The following USP37 variants were observed in gnomAD, a reference collection of about 807,000 sequenced individuals.
USP37 encodes the protein ubiquitin specific peptidase 37, also known as ubiquitin carboxyl-terminal hydrolase 37.
Under a neutral mutation model 124.0 loss-of-function variants are expected in USP37, and 27 were observed. That is an observed-to-expected ratio of 0.22 (90% CI 0.16 to 0.30). The LOEUF is 0.30. USP37 is among the 10% of genes least tolerant of loss of function. The pLI, the probability that USP37 is intolerant of heterozygous loss-of-function variation, is 1.00. For missense variants in USP37, 889 were observed against 1,140.4 expected, an observed-to-expected ratio of 0.78 and a Z score of 3.17; for synonymous variants, 365 against 388.0, an observed-to-expected ratio of 0.94 and a Z score of 0.70.
intron 15 of USP37, 146 bp from the exon 16 acceptor site, chr2:218,485,889 C>T: frequency 2.5e-6 from 2 of 790,378 alleles, no homozygotes; most frequent in Admixed American, 2.9e-5. Flanking sequence ...AGCCATGAGC[C>T]TTACCAAATT....
At chr2:218,521,707 T>C (rs1485990041) in intron 10 of USP37, among the ~76,000 whole-genome samples, 2 of 152,186 alleles carry the variant, frequency 1.3e-5, no homozygotes, top group East Asian at 3.8e-4. Flanking sequence ...GTTCATTTTT[T>C]CCCCACCTGA....
chr2:218,476,363 C>T (rs1285478791), intron 19 of USP37, among the ~76,000 whole-genome samples: 1 of 152,108 alleles, frequency 6.6e-6, no homozygotes, highest in African/African-American at 2.4e-5. Context: ...CACCTGAGCC[C>T]AGGAATTTTA....
chr2:218,492,449 T>C (rs763512783), intron 14 of USP37, among the ~76,000 whole-genome samples: 2 of 152,162 alleles, frequency 1.3e-5, no homozygotes, highest in Non-Finnish European at 1.5e-5. Flanking sequence ...GTTATACAAG[T>C]CACAGGCTTT....
rs1390326914 is a variant in USP37 at position 218,530,160 on chromosome 2, ACAGGAATAC to A, written c.779-129_779-121del. On this transcript the variant is annotated intron_variant, in intron 9 of 25. Coordinates refer to ENST00000258399, the MANE Select transcript of USP37 (RefSeq NM_020935.3). Reference sequence around the variant, plus strand: ...TAACTCTTTTTCCTTCTCATCAAATACAGGAATACCTCATTTTATTGCTCTTTGCTTTAT... The same window carrying A: ...TAACTCTTTTTCCTTCTCATCAAATACTCATTTTATTGCTCTTTGCTTTAT... The A allele has an allele frequency of 1.3e-5, 9 of 668,234 alleles. No homozygotes were observed. In the African/African-American group the frequency reaches 1.5e-4, roughly 11 times the overall value. 41.4% of individuals were successfully genotyped at this position (668,234 alleles called of 1,614,324 possible).
rs1298953717 is a variant in USP37, at chr2:218,482,057, CT to C, written c.1835+12del. On this transcript the variant is annotated intron_variant, in intron 17 of 25. Coordinates refer to ENST00000258399, the MANE Select transcript of USP37 (RefSeq NM_020935.3). ...AAAAGGGAATATAAAGACATAGTCT[CT>C]CAAGGACTTACATTGCCATATGTGC... is the stretch of plus-strand genomic sequence containing the variant. 6.3e-7 allele frequency: 1 copy of C among 1,598,734 alleles called. No homozygotes were observed.
intron 18 of USP37, among the ~76,000 whole-genome samples, chr2:218,479,313 G>A (rs1691128014): frequency 6.6e-6 from 1 of 152,126 alleles, no homozygotes; most frequent in South Asian, 2.1e-4. Context: ...TAGACTAATA[G>A]GGGTTATTTT....
In USP37 at chr2:218,534,789, T is replaced by G. The variant is rs1188413951; in HGVS notation, c.681-83A>C. Reference sequence around the variant, plus strand: ...TTTTAAATAGTTGTCATTAAAACATTTACATTTAAAGTGCCAAATTCATTG... The same window carrying G: ...TTTTAAATAGTTGTCATTAAAACATGTACATTTAAAGTGCCAAATTCATTG... On this transcript the variant is annotated intron_variant, in intron 8 of 25. Coordinates refer to ENST00000258399, the MANE Select transcript of USP37 (RefSeq NM_020935.3). The G allele has an allele frequency of 2.1e-5, 19 of 918,152 alleles. No homozygotes were observed. In the East Asian group the frequency reaches 6.1e-4, roughly 30 times the overall value. The allele number at this position is 918,152 out of a possible 1,614,324, so 56.9% of individuals were successfully genotyped here.
intron 11 of USP37, among the ~76,000 whole-genome samples, chr2:218,503,926 G>C (rs1311828580): frequency 6.6e-6 from 1 of 152,130 alleles, no homozygotes; most frequent in Non-Finnish European, 1.5e-5. Flanking sequence ...AATGTTAATG[G>C]TCTAAATACT....
chr2:218,564,203 A>G (rs887127435), intron 1 of USP37, among the ~76,000 whole-genome samples: 3 of 152,104 alleles, frequency 2.0e-5, no homozygotes, highest in Admixed American at 2.0e-4. Flanking sequence ...AATAGCTACT[A>G]CTCTCAGAAA....
chr2:218,540,872 A>G (rs1691935175), intron 8 of USP37, among the ~76,000 whole-genome samples: 1 of 152,132 alleles, frequency 6.6e-6, no homozygotes, highest in Admixed American at 6.5e-5. Context: ...ATCTTAGAAC[A>G]AGGATTCCAC....
At chr2:218,521,456 A>G (rs1434090423) in intron 10 of USP37, among the ~76,000 whole-genome samples, 3 of 152,080 alleles carry the variant, frequency 2.0e-5, no homozygotes, top group Non-Finnish European at 4.4e-5. Flanking sequence ...CCCCGCATGC[A>G]TTACATATTT....
chr2:218,531,600 A>G (rs1429610049), intron 9 of USP37, among the ~76,000 whole-genome samples: 1 of 152,238 alleles, frequency 6.6e-6, no homozygotes, highest in Non-Finnish European at 1.5e-5. Flanking sequence ...AATACATTTC[A>G]GAAGGCTACA....
chr2:218,545,141 AGACT>A (rs1414709521), intron 8 of USP37, among the ~76,000 whole-genome samples: 1 of 152,238 alleles, frequency 6.6e-6, no homozygotes, highest in African/African-American at 2.4e-5. Context: ...AAACTAAGGC[AGACT>A]ATTAGTTGTA....
chr2:218,458,263 A>AC (rs1574831624), intron 23 of USP37, among the ~76,000 whole-genome samples: 1 of 149,336 alleles, frequency 6.7e-6, no homozygotes, highest in East Asian at 2.0e-4. Flanking sequence ...TAAAAAAAAA[A>AC]AAAAAAAAAA....
chr2:218,518,589 T>C (rs1000188781), intron 10 of USP37, among the ~76,000 whole-genome samples: 9 of 152,232 alleles, frequency 5.9e-5, no homozygotes, highest in African/African-American at 1.2e-4. Flanking sequence ...TTTTTACTTC[T>C]TACTGGAAGC....
At chr2:218,486,623 G>A (rs546777958) in intron 15 of USP37, among the ~76,000 whole-genome samples, 2 of 152,158 alleles carry the variant, frequency 1.3e-5, no homozygotes, top group Non-Finnish European at 2.9e-5. Flanking sequence ...GGGTTTTGCC[G>A]TGTTGGCCAG....
intron 20 of USP37, among the ~76,000 whole-genome samples, chr2:218,473,946 C>T (rs939220861): frequency 2.0e-5 from 3 of 152,112 alleles, no homozygotes; most frequent in Non-Finnish European, 4.4e-5. Flanking sequence ...GGGCTATAAA[C>T]CTGTAAAGCA....
chr2:218,561,535 G>C (rs948615749), intron 2 of USP37, among the ~76,000 whole-genome samples: 6 of 151,924 alleles, frequency 3.9e-5, no homozygotes, highest in Non-Finnish European at 7.4e-5. Flanking sequence ...GCGTGCGCCT[G>C]TAATTCCAGC....
intron 17 of USP37, among the ~76,000 whole-genome samples, chr2:218,480,104 C>A (rs1406322338): frequency 1.3e-5 from 2 of 151,446 alleles, no homozygotes; most frequent in African/African-American, 4.9e-5. Flanking sequence ...GGTGATCGCA[C>A]CACTGCACTC....
Sources: gnomAD v4.1 joint callset for allele counts (sites outside exome capture counted in the v4.1 genomes callset) on GRCh38, gnomAD v4.1.1 for gene constraint, MANE v1.5 for transcripts, NCBI Gene and HGNC (gene_info 2026-07-23, HGNC 2026-07-21) for gene names.